SYNPR: variants seen among roughly 807,000 people sequenced by gnomAD.
SYNPR encodes the protein synaptoporin.
In SYNPR, 23 loss-of-function variants were observed where a neutral mutation model predicts 32.9. The ratio of observed to expected loss-of-function variants is 0.70; its 90% CI spans 0.50 to 0.99. The LOEUF is 0.99. Among genes scored for constraint, SYNPR ranks in the 50% least tolerant of loss-of-function variants. The pLI is 0.00. For synonymous variants in SYNPR, 146 were observed against 135.9 expected, an observed-to-expected ratio of 1.07 and a Z score of -0.52; for missense variants, 318 against 349.3, an observed-to-expected ratio of 0.91 and a Z score of 0.71.
At chr3:63,328,941 C>T (rs1353724435) in intron 2 of SYNPR, among the ~76,000 whole-genome samples, 1 of 152,156 alleles carries the variant, frequency 6.6e-6, no homozygotes, top group Non-Finnish European at 1.5e-5. Context: ...CTAGTCATCG[C>T]ACAATATGTT....
At chr3:63,326,828 G>C (rs2106976652) in intron 2 of SYNPR, among the ~76,000 whole-genome samples, 1 of 152,226 alleles carries the variant, frequency 6.6e-6, no homozygotes, top group Non-Finnish European at 1.5e-5. Context: ...GGAAGTAATT[G>C]AAGGGTTGTG....
upstream of SYNPR, among the ~76,000 whole-genome samples, chr3:63,277,903 T>TA (rs2086591787): frequency 6.6e-6 from 1 of 152,186 alleles, no homozygotes; most frequent in African/African-American, 2.4e-5. Flanking sequence ...GGATGCTCCA[T>TA]AAAGGCTTGA....
intron 3 of SYNPR, among the ~76,000 whole-genome samples, chr3:63,515,146 T>C (rs1187963997): frequency 6.6e-6 from 1 of 152,142 alleles, no homozygotes; most frequent in Non-Finnish European, 1.5e-5. Context: ...CCGTCAGTTT[T>C]ATTATTTCTG....
chr3:63,211,131 C>T, the SYNPR span, among the ~76,000 whole-genome samples: 3 of 152,136 alleles, frequency 2.0e-5, no homozygotes, highest in East Asian at 3.9e-4. Context: ...TGCAGTGGCG[C>T]GATCTTGGCT....
chr3:63,492,339 G>A (rs775030231), intron 3 of SYNPR, among the ~76,000 whole-genome samples: 2 of 152,140 alleles, frequency 1.3e-5, no homozygotes, highest in Non-Finnish European at 2.9e-5. Context: ...TGGATTTAAG[G>A]CTTCCTAAGA....
chr3:63,390,694 C>T (rs898271945), intron 2 of SYNPR, among the ~76,000 whole-genome samples: 1 of 152,214 alleles, frequency 6.6e-6, no homozygotes, highest in African/African-American at 2.4e-5. Context: ...TCCAGGCTAA[C>T]CGATTATTTT....
intron 2 of SYNPR, among the ~76,000 whole-genome samples, chr3:63,258,788 G>A (rs546278412): frequency 4.3e-4 from 66 of 152,230 alleles, no homozygotes; most frequent in African/African-American, 1.6e-3. Flanking sequence ...CCAGGAGCTG[G>A]TTTTTTGAAA....
intron 2 of SYNPR, among the ~76,000 whole-genome samples, chr3:63,259,885 A>G (rs147277101): frequency 0.23 from 35,425 of 152,166 alleles, 4,425 homozygotes; most frequent in South Asian, 0.39. Flanking sequence ...GTCTCAGGAT[A>G]CAAAATCAAT....
At chr3:63,514,981 A>T (rs1184109876) in intron 3 of SYNPR, among the ~76,000 whole-genome samples, 1 of 152,112 alleles carries the variant, frequency 6.6e-6, no homozygotes, top group Non-Finnish European at 1.5e-5. Flanking sequence ...GGCAGGCTCA[A>T]TGTTTAAGGC....
chr3:63,480,482 T>C (rs1701024635), intron 2 of SYNPR, among the ~76,000 whole-genome samples: 1 of 152,196 alleles, frequency 6.6e-6, no homozygotes, highest in African/African-American at 2.4e-5. Flanking sequence ...CCTGGAGACA[T>C]CCATTATTAA....
chr3:63,566,876 G>T (rs536766735), intron 4 of SYNPR, among the ~76,000 whole-genome samples: 1 of 152,260 alleles, frequency 6.6e-6, no homozygotes, highest in African/African-American at 2.4e-5. Flanking sequence ...ATTTTTATCA[G>T]CTTTATGATT....
At chr3:63,449,868 C>T (rs1700347277) in intron 2 of SYNPR, among the ~76,000 whole-genome samples, 2 of 152,156 alleles carry the variant, frequency 1.3e-5, no homozygotes, top group Admixed American at 1.3e-4. Context: ...AAAATATTAT[C>T]ACCTTCAACA....
chr3:63,412,265 A>G (rs959522995), intron 2 of SYNPR, among the ~76,000 whole-genome samples: 1 of 152,176 alleles, frequency 6.6e-6, no homozygotes. Flanking sequence ...TCAAGAGAAG[A>G]CAATAAGTAG....
chr3:63,522,081 T>C (rs569981102), intron 3 of SYNPR, among the ~76,000 whole-genome samples: 8 of 152,296 alleles, frequency 5.3e-5, no homozygotes, highest in African/African-American at 1.9e-4. Context: ...CAAATTTAAT[T>C]TAAGAATAAC....
chr3:63,349,456 C>A (rs1397005660), intron 2 of SYNPR, among the ~76,000 whole-genome samples: 2 of 152,214 alleles, frequency 1.3e-5, no homozygotes, highest in Non-Finnish European at 2.9e-5. Context: ...TTGTTTGTGA[C>A]ATCTACAATT....
intron 4 of SYNPR, among the ~76,000 whole-genome samples, chr3:63,566,922 A>C (rs1392271052): frequency 6.6e-6 from 1 of 152,128 alleles, no homozygotes; most frequent in African/African-American, 2.4e-5. Context: ...TTTCTCTGTA[A>C]CTGGTGTTGA....
Position 63,278,722 on chromosome 3 carries a change from T to C in SYNPR, c.64T>C (p.Phe22Leu). The C allele has an allele frequency of 5.2e-6, 8 of 1,551,652 alleles. No homozygotes were observed. Among genetic ancestry groups the C allele is most frequent in the Non-Finnish European group, 6.1e-6 (7 of 1,146,966 alleles). Reference protein sequence around the residue: ...TFRVLKEPLAFLRALELLFAI... With the variant: ...TFRVLKEPLALLRALELLFAI... ...CCGGGTGCTGAAGGAGCCCCTTGCC[T>C]TCCTGCGAGCCCTGGAATTGGTGAG... is the stretch of plus-strand genomic sequence containing the variant. Residue 22 changes from phenylalanine (F) to leucine (L), a missense_variant, in exon 2 of 6, where the codon TTC becomes CTC. Physicochemically the swap from Phe to Leu is conservative, Grantham distance 22. Transcript: ENST00000478300.
chr3:63,386,631 T>TTCCTTCCTTCCTTCCTTC (rs1560212989), intron 2 of SYNPR, among the ~76,000 whole-genome samples: 55 of 79,152 alleles, frequency 6.9e-4, no homozygotes, highest in African/African-American at 3.4e-3. Context: ...TTCCTTCCTT[T>TTCCTTCCTTCCTTCCTTC]CTTTATTTTC....
chr3:63,421,672 C>A (rs868527131), intron 2 of SYNPR, among the ~76,000 whole-genome samples: 1 of 152,290 alleles, frequency 6.6e-6, no homozygotes, highest in Middle Eastern at 3.4e-3. Flanking sequence ...TTCCATGGGG[C>A]AAGAGTTACC....
Sources: allele counts gnomAD v4.1 joint callset (sites outside exome capture counted in the v4.1 genomes callset), GRCh38; gene constraint gnomAD v4.1.1; transcripts MANE v1.5; gene names NCBI Gene and HGNC (gene_info 2026-07-23, HGNC 2026-07-21).